SEC31A: variants seen among roughly 807,000 people sequenced by gnomAD.
SEC31A encodes SEC31 homolog A, COPII component.
In SEC31A, 70 loss-of-function variants were observed where a neutral mutation model predicts 151.0. That is an observed-to-expected ratio of 0.46 (90% CI 0.38 to 0.57). The LOEUF (loss-of-function observed/expected upper bound fraction) is 0.57. Ranked by LOEUF, SEC31A falls within the 20% of genes least tolerant of loss-of-function variation. The pLI, the probability that SEC31A is intolerant of heterozygous loss-of-function variation, is 0.00. For missense variants in SEC31A, 1,330 were observed against 1,471.2 expected (o/e 0.90, Z 1.57); for synonymous variants, 475 against 505.9 (o/e 0.94, Z 0.82).
At chr4:82,899,883 CA>C (rs1251797369) in intron 2 of SEC31A, 1 of 152,606 alleles carries the variant, frequency 6.6e-6, no homozygotes, top group Non-Finnish European at 1.5e-5. Flanking sequence ...TTCTCAGAGA[CA>C]AAAACCCACT....
intron 1 of SEC31A, among the ~76,000 whole-genome samples, chr4:82,882,401 CAAAAAAA>C (rs57974382): frequency 1.1e-4 from 10 of 92,480 alleles, no homozygotes; most frequent in African/African-American, 5.2e-4. Context: ...GACTCTATCT[CAAAAAAA>C]AAAAAAAAAA....
At chr4:82,837,824 C>T (rs1457899536) in intron 22 of SEC31A, among the ~76,000 whole-genome samples, 1 of 152,148 alleles carries the variant, frequency 6.6e-6, no homozygotes, top group East Asian at 1.9e-4. Flanking sequence ...CACTGGAAAC[C>T]TTCTTAGGTA....
intron 13 of SEC31A, chr4:82,861,958 G>A (rs1194624065): frequency 4.2e-6 from 1 of 235,914 alleles, no homozygotes. Context: ...CTGTCGCCCA[G>A]GCTGGAGTTC....
intron 11 of SEC31A, 77 bp downstream of exon 11, chr4:82,864,285 G>C: frequency 1.0e-6 from 1 of 984,412 alleles, no homozygotes. Context: ...TCTTTAATAG[G>C]AGGACAGATT....
chr4:82,830,101 CAA>C (rs1725580183), intron 22 of SEC31A, among the ~76,000 whole-genome samples: 1 of 152,104 alleles, frequency 6.6e-6, no homozygotes, highest in Admixed American at 6.6e-5. Flanking sequence ...ACTGTCAAAC[CAA>C]AGTCACAGAA....
At position 82,848,899 on chromosome 4, in the gene SEC31A, G is replaced by A; in HGVS notation, c.2407C>T (p.Pro803Ser). 6.2e-7 allele frequency: 1 copy of A among 1,614,076 alleles called. No homozygotes were observed. The highest frequency in any genetic ancestry group is 8.5e-7 in the Non-Finnish European group (1 of 1,179,988). The change falls in exon 20 of 27, where the codon CCG (proline) becomes TCG (serine). Residue 803 changes from proline to serine, a missense_variant. Pro to Ser is a moderately conservative substitution (Grantham distance 74). Transcript: ENST00000395310. ...PVAGHESPKI[P>S]YEKQQLPKGR... ...TTGGGGAGCTGCTGTTTCTCGTACGGAATTTTAGGTGATTCATGTCCTGCT... is the reference window on the plus strand; with the variant it reads ...TTGGGGAGCTGCTGTTTCTCGTACGAAATTTTAGGTGATTCATGTCCTGCT...
At chr4:82,893,607 G>C (rs1719935279), upstream of SEC31A, 1 of 152,142 alleles carries the variant, frequency 6.6e-6, no homozygotes, top group African/African-American at 2.4e-5. Flanking sequence ...AACAAAATTT[G>C]TATCAACTTG....
chr4:82,870,434 A>C lies in SEC31A; in HGVS notation c.783-10T>G. 2 of 1,598,436 alleles carry C rather than the reference A, an allele frequency of 1.3e-6. No homozygotes were observed. Among genetic ancestry groups the C allele is most frequent in the African/African-American group, 2.7e-5 (2 of 74,630 alleles). Reference sequence around the variant, plus strand: ...AATTGCCAAAATCCCCCTATAAAAAACATAAAGGAACAAGGAAATTTTTAA... The same window carrying C: ...AATTGCCAAAATCCCCCTATAAAAACCATAAAGGAACAAGGAAATTTTTAA... On this transcript the variant is annotated splice_polypyrimidine_tract_variant and intron_variant, in intron 7 of 26. Coordinates refer to ENST00000395310, the MANE Select transcript of SEC31A (RefSeq NM_001077207.4).
Position 82,891,142 on chromosome 4 carries a change from C to T in SEC31A, c.-59G>A, listed in dbSNP as rs758826206. ...GCGTTAGTGCAGCGCTCGTCGGACT[C>T]TCCCAGCATTCGCCGCCGCCCCTCC... On this transcript the variant is annotated 5_prime_UTR_variant, in exon 1 of 27. Coordinates refer to ENST00000395310, the MANE Select transcript of SEC31A (RefSeq NM_001077207.4). The T allele has an allele frequency of 2.8e-5, 43 of 1,535,778 alleles. No individual in the cohort carries two copies. Among genetic ancestry groups the T allele is most frequent in the Middle Eastern group, 3.3e-4 (2 of 6,002 alleles).
intron 14 of SEC31A, among the ~76,000 whole-genome samples, chr4:82,860,460 A>T (rs549243604): frequency 3.9e-5 from 6 of 152,084 alleles, no homozygotes; most frequent in Non-Finnish European, 8.8e-5. Context: ...TTCTGTCTAA[A>T]TATTCTCAAA....
chr4:82,891,314 C>G (rs781291577), upstream of SEC31A: 10 of 873,238 alleles, frequency 1.1e-5, no homozygotes, highest in African/African-American at 1.0e-4. Flanking sequence ...CCGGCGGTAG[C>G]CTGGGAGGCG....
rs151180056 is a variant in SEC31A, at chr4:82,884,122, G to C, written c.-4-2182C>G. On this transcript the variant is annotated intron_variant, in intron 1 of 26. Coordinates refer to ENST00000395310, the MANE Select transcript of SEC31A (RefSeq NM_001077207.4). Reference sequence around the variant, plus strand: ...GTGTCTCAGCCTCCCAAGTAACTGGGATTACAGGCACACACCACCACATCA... The same window carrying C: ...GTGTCTCAGCCTCCCAAGTAACTGGCATTACAGGCACACACCACCACATCA... Among the ~76,000 whole-genome samples, 27 of 151,692 alleles carry C rather than the reference G, an allele frequency of 1.8e-4. No individual in the cohort carries two copies. In the East Asian group the frequency reaches 5.3e-3, roughly 30 times the overall value.
chr4:82,831,059 C>G (rs1412159758), intron 22 of SEC31A: 1 of 370,996 alleles, frequency 2.7e-6, no homozygotes, highest in East Asian at 1.1e-4. Flanking sequence ...TTTCTTCTCC[C>G]TTCATTAATC....
At chr4:82,851,342 T>C in intron 19 of SEC31A, 89 bp downstream of exon 19, 1 of 1,039,708 alleles carries the variant, frequency 9.6e-7, no homozygotes, top group Non-Finnish European at 1.4e-6. Flanking sequence ...CAAAACATTC[T>C]ACCTACTAAT....
intron 14 of SEC31A, among the ~76,000 whole-genome samples, chr4:82,859,851 G>A (rs2149460073): frequency 6.6e-6 from 1 of 151,080 alleles, no homozygotes; most frequent in East Asian, 1.9e-4. Context: ...GAGTGCAGTG[G>A]CGCATTCTCA....
chr4:82,883,988 CT>C (rs11373334), intron 1 of SEC31A, among the ~76,000 whole-genome samples: 46 of 125,926 alleles, frequency 3.7e-4, no homozygotes, highest in African/African-American at 7.5e-4. Context: ...CTTTTCTATT[CT>C]TTTTTTTTTT....
Position 82,824,645 on chromosome 4 carries a change from A to T in SEC31A, c.3321T>A (p.Ile1107=). ...GCTCATCTGGAATAGGTTTCTTGGT[A>T]ATTTTTTTTGTTGGCAAAGACTGCA... ...QHVQSLPTKK[I]TKKPIPDEHL... The change falls in exon 25 of 27, where the codon ATT becomes ATA. Residue 1107 remains isoleucine, a synonymous_variant. Transcript: ENST00000395310. 1 of 1,614,076 alleles carries T rather than the reference A, an allele frequency of 6.2e-7. No individual in the cohort carries two copies. Among genetic ancestry groups the T allele is most frequent in the Non-Finnish European group, 8.5e-7 (1 of 1,179,968 alleles).
At position 82,883,862 on chromosome 4, in the gene SEC31A, T is replaced by C. The variant is rs562019134; in HGVS notation, c.-4-1922A>G. ...AAAAGAGAAAAATAAAAATGTTAGC[T>C]CTGTATAGTAATACTATAAATGATG... On this transcript the variant is annotated intron_variant, in intron 1 of 26. Coordinates refer to ENST00000395310, the MANE Select transcript of SEC31A (RefSeq NM_001077207.4). Among the ~76,000 whole-genome samples, 16 of 151,808 alleles carry C rather than the reference T, an allele frequency of 1.1e-4. No homozygotes were observed. The South Asian group carries it at 3.3e-3, about 32-fold the overall frequency.
chr4:82,870,497 T>G, intron 7 of SEC31A, 73 bp from the exon 8 acceptor site: 1 of 1,160,316 alleles, frequency 8.6e-7, no homozygotes, highest in Non-Finnish European at 1.3e-6. Context: ...TCTGCCTAGG[T>G]TTTGTAGATT....
Sources: allele counts gnomAD v4.1 joint callset (sites outside exome capture counted in the v4.1 genomes callset), GRCh38; gene constraint gnomAD v4.1.1; transcripts MANE v1.5; gene names NCBI Gene and HGNC (gene_info 2026-07-23, HGNC 2026-07-21).